The following PRKN variants were observed in gnomAD, a reference collection of about 807,000 sequenced individuals.
PRKN encodes the protein parkin RBR E3 ubiquitin protein ligase.
PRKN carries 56 observed loss-of-function variants against 59.5 expected under a neutral mutation model. The observed-to-expected ratio is 0.94, with a 90% CI of 0.76 to 1.18. The LOEUF is 1.18. Ranked by LOEUF, PRKN falls within the 50% of genes most tolerant of loss-of-function variation. The pLI, the probability that PRKN is intolerant of heterozygous loss-of-function variation, is 0.00. For missense variants in PRKN, 657 were observed against 596.4 expected (o/e 1.10, Z -1.06); for synonymous variants, 250 against 222.1 (o/e 1.13, Z -1.12).
chr6:162,071,552 G>A (rs577348796), intron 4 of PRKN, among the ~76,000 whole-genome samples: 1 of 151,678 alleles, frequency 6.6e-6, no homozygotes, highest in South Asian at 2.1e-4. Context: ...TGGGCAGACA[G>A]TATCTGTGAA....
intron 7 of PRKN, among the ~76,000 whole-genome samples, chr6:161,678,027 C>T (rs1219148090): frequency 6.6e-6 from 1 of 151,972 alleles, no homozygotes; most frequent in African/African-American, 2.4e-5. Context: ...GTCTAGATAA[C>T]CTTAACCTCA....
chr6:162,436,499 A>G (rs1230382175), intron 2 of PRKN, among the ~76,000 whole-genome samples: 1 of 151,596 alleles, frequency 6.6e-6, no homozygotes. Context: ...TTTAGTAGAG[A>G]CGGGGTTTCA....
At chr6:161,965,225 A>C (rs1324637223) in intron 6 of PRKN, among the ~76,000 whole-genome samples, 1 of 152,108 alleles carries the variant, frequency 6.6e-6, no homozygotes, top group East Asian at 1.9e-4. Flanking sequence ...AAGCCGAATG[A>C]ATTTTATTTT....
At chr6:161,961,004 A>G (rs1000910312) in intron 6 of PRKN, among the ~76,000 whole-genome samples, 2 of 152,224 alleles carry the variant, frequency 1.3e-5, no homozygotes, top group Non-Finnish European at 2.9e-5. Flanking sequence ...ATGGGTATAA[A>G]TAACATTCAA....
rs1782700300 is a variant in PRKN at position 162,011,455 on chromosome 6, A to ATATATAATATAT, written c.619-38039_619-38038insATATATTATATA. 9.4e-5 allele frequency among the ~76,000 whole-genome samples: 3 copies of ATATATAATATAT among 31,764 alleles called. 1 individual carries two copies. Among genetic ancestry groups the ATATATAATATAT allele is most frequent in the Non-Finnish European group, 1.4e-4 (3 of 21,100 alleles). The allele number at this position is 31,764 out of a possible 152,430, so 20.8% of individuals were successfully genotyped here. On this transcript the variant is annotated intron_variant, in intron 5 of 11. Coordinates refer to ENST00000366898, the MANE Select transcript of PRKN (RefSeq NM_004562.3). ...ATATGTTATATATTTATAATATATA[A>ATATATAATATAT]TATATATATTATAATATATAATATA...
At chr6:161,834,297 A>G (rs1403880441) in intron 6 of PRKN, among the ~76,000 whole-genome samples, 1 of 152,068 alleles carries the variant, frequency 6.6e-6, no homozygotes. Context: ...CAGTGGGGAA[A>G]AGCTCCTTCT....
chr6:161,441,855 C>T (rs1789253220), intron 9 of PRKN, among the ~76,000 whole-genome samples: 1 of 152,148 alleles, frequency 6.6e-6, no homozygotes, highest in Admixed American at 6.5e-5. Context: ...CTCCCTCCAT[C>T]CCTGGCCTGC....
chr6:162,265,100 C>T (rs1293484380), intron 2 of PRKN: 1 of 152,164 alleles, frequency 6.6e-6, no homozygotes, highest in African/African-American at 2.4e-5. Flanking sequence ...CTCAGTATTA[C>T]TTGTAAAATG....
In PRKN at chr6:161,470,707, G is replaced by C. The variant is rs1054405193; in HGVS notation, c.1083+78147C>G. ...GCCCAAATGGCCTGGGCTTGATTCA[G>C]GGCTTGTGTAGGCAGCTTCCTCCCA... is the stretch of plus-strand genomic sequence containing the variant. On this transcript the variant is annotated intron_variant, in intron 9 of 11. Coordinates refer to ENST00000366898, the MANE Select transcript of PRKN (RefSeq NM_004562.3). This position sits in a 1 kb window ranked among gnomAD's most constrained non-coding sequence, Gnocchi z 5.1. 6.6e-6 allele frequency among the ~76,000 whole-genome samples: 1 copy of C among 152,208 alleles called. No individual in the cohort carries two copies.
intron 1 of PRKN, among the ~76,000 whole-genome samples, chr6:162,559,244 G>C (rs2128205855): frequency 6.8e-6 from 1 of 146,902 alleles, no homozygotes; most frequent in South Asian, 2.3e-4. Flanking sequence ...TAGAGAGAAT[G>C]AAAACTACGA....
intron 2 of PRKN, among the ~76,000 whole-genome samples, chr6:162,344,454 T>C (rs1409810967): frequency 1.3e-5 from 2 of 151,406 alleles, no homozygotes; most frequent in Non-Finnish European, 2.9e-5. Context: ...TAGCAGCATA[T>C]GATATTAGTT....
intron 6 of PRKN, among the ~76,000 whole-genome samples, chr6:161,874,130 A>G (rs1166338352): frequency 1.4e-5 from 1 of 73,088 alleles, no homozygotes; most frequent in African/African-American, 6.4e-5. Context: ...TATATAATAT[A>G]TATTATATGT....
At chr6:162,614,083 T>C (rs1291411181) in intron 1 of PRKN, among the ~76,000 whole-genome samples, 2 of 152,232 alleles carry the variant, frequency 1.3e-5, no homozygotes, top group Non-Finnish European at 2.9e-5. Context: ...CTTGCATTTA[T>C]AAATACTGTA....
intron 7 of PRKN, among the ~76,000 whole-genome samples, chr6:161,680,765 A>ATT (rs1562604015): frequency 9.2e-5 from 1 of 10,886 alleles, no homozygotes; most frequent in African/African-American, 2.8e-4. Flanking sequence ...ATATATATAT[A>ATT]TATATATATA....
chr6:162,184,035 C>T (rs567940325), intron 4 of PRKN, among the ~76,000 whole-genome samples: 5 of 152,286 alleles, frequency 3.3e-5, no homozygotes, highest in Admixed American at 3.3e-4. Flanking sequence ...AATGTGGCCA[C>T]TGTGGCTGAT....
In PRKN at chr6:161,673,651, C is replaced by T. The variant is rs141087178; in HGVS notation, c.872-104235G>A. On this transcript the variant is annotated intron_variant, in intron 7 of 11. Transcript: ENST00000366898. ...GAGACCAGGCTGGAAGGAGAAGCAG[C>T]AGAGAAGTGGGGAGGTGGAAGATCA... 2.8e-3 allele frequency among the ~76,000 whole-genome samples: 431 copies of T among 152,264 alleles called. 1 individual carries two copies. Among genetic ancestry groups the T allele is most frequent in the African/African-American group, 9.5e-3 (396 of 41,540 alleles).
intron 4 of PRKN, among the ~76,000 whole-genome samples, chr6:162,071,230 G>C (rs1013002543): frequency 2.7e-5 from 4 of 150,132 alleles, no homozygotes; most frequent in African/African-American, 9.8e-5. Flanking sequence ...CTGTGAAATG[G>C]GGGCAGAGAC....
At chr6:162,619,708 ACT>A (rs754625684) in intron 1 of PRKN, among the ~76,000 whole-genome samples, 1 of 54,376 alleles carries the variant, frequency 1.8e-5, no homozygotes, top group Non-Finnish European at 4.7e-5. Context: ...CACTTTTTCC[ACT>A]CACACACACA....
At chr6:162,171,309 C>T (rs1365442708) in intron 4 of PRKN, among the ~76,000 whole-genome samples, 12 of 151,978 alleles carry the variant, frequency 7.9e-5, no homozygotes, top group Admixed American at 7.2e-4. Flanking sequence ...GATGGTATTC[C>T]AGTGGGAAAA....
Sources: allele counts gnomAD v4.1 joint callset (sites outside exome capture counted in the v4.1 genomes callset), GRCh38; gene constraint gnomAD v4.1.1; non-coding constraint Gnocchi (gnomAD v3.1); transcripts MANE v1.5; gene names NCBI Gene and HGNC (gene_info 2026-07-23, HGNC 2026-07-21).